The following SMYD3 variants were observed in gnomAD, a reference collection of about 807,000 sequenced individuals.
SMYD3 encodes histone-lysine N-methyltransferase SMYD3.
A neutral mutation model predicts 57.7 loss-of-function variants in SMYD3; 36 were observed. That is an observed-to-expected ratio of 0.62 (90% CI 0.48 to 0.82). SMYD3 has a LOEUF of 0.82. Ranked by LOEUF, SMYD3 falls within the 40% of genes least tolerant of loss-of-function variation. The probability of loss-of-function intolerance (pLI) is 0.00; values close to 1 mark genes in which losing one functional copy is unlikely to be tolerated. For missense variants in SMYD3, 515 were observed against 538.8 expected (o/e 0.96, Z 0.44); for synonymous variants, 211 against 195.0 (o/e 1.08, Z -0.68).
intron 5 of SMYD3, among the ~76,000 whole-genome samples, chr1:246,142,639 C>T (rs2061775936): frequency 6.6e-6 from 1 of 152,178 alleles, no homozygotes; most frequent in Non-Finnish European, 1.5e-5. Context: ...CATCATGCTT[C>T]TCAGAACAGT....
intron 5 of SMYD3, among the ~76,000 whole-genome samples, chr1:245,970,297 T>A (rs1316487597): frequency 6.6e-6 from 1 of 152,194 alleles, no homozygotes; most frequent in East Asian, 1.9e-4. Flanking sequence ...TTACACCTTA[T>A]ACAAAAATTA....
chr1:245,753,077 G>A (rs2045460655), intron 11 of SMYD3, among the ~76,000 whole-genome samples: 4 of 152,160 alleles, frequency 2.6e-5, no homozygotes, highest in African/African-American at 9.7e-5. Context: ...CATGTTCTGT[G>A]TTCTCTTACT....
intron 1 of SMYD3, among the ~76,000 whole-genome samples, chr1:246,409,186 T>C (rs1437132153): frequency 6.6e-6 from 1 of 152,242 alleles, no homozygotes; most frequent in Non-Finnish European, 1.5e-5. Context: ...TTCAATTAGA[T>C]CCCATTTGTC....
At chr1:246,275,886 A>G (rs71638321) in intron 5 of SMYD3, among the ~76,000 whole-genome samples, 1 of 149,170 alleles carries the variant, frequency 6.7e-6, no homozygotes, top group Admixed American at 6.6e-5. Context: ...AACACTGGCA[A>G]GTTATTTAAT....
intron 5 of SMYD3, among the ~76,000 whole-genome samples, chr1:245,947,697 T>C (rs1054627222): frequency 1.3e-5 from 2 of 152,156 alleles, no homozygotes; most frequent in Non-Finnish European, 2.9e-5. Flanking sequence ...TAGTAAATGG[T>C]AGCAAGATCA....
chr1:245,944,463 C>G (rs374428996), intron 5 of SMYD3, among the ~76,000 whole-genome samples: 2 of 151,974 alleles, frequency 1.3e-5, no homozygotes, highest in Admixed American at 1.3e-4. Context: ...TCAAGGAGAA[C>G]GATAAACCTC....
At chr1:246,088,417 G>A (rs1329019912) in intron 5 of SMYD3, among the ~76,000 whole-genome samples, 1 of 149,924 alleles carries the variant, frequency 6.7e-6, no homozygotes, top group Admixed American at 6.7e-5. Flanking sequence ...AGACCATCCT[G>A]GCTAACACGG....
At chr1:246,093,676 T>C (rs1311511042) in intron 5 of SMYD3, among the ~76,000 whole-genome samples, 3 of 151,520 alleles carry the variant, frequency 2.0e-5, no homozygotes, top group East Asian at 3.8e-4. Flanking sequence ...ACAATTATTA[T>C]GTATCAATAA....
rs550385456 is a variant in SMYD3, at chr1:245,858,276, C to T, written c.1076+220G>A. 3.2e-4 allele frequency among the ~76,000 whole-genome samples: 48 copies of T among 152,298 alleles called. No individual in the cohort carries two copies. The South Asian group carries it at 9.1e-3, about 29-fold the overall frequency. The stretch of plus-strand genomic sequence containing the variant: ...CATCTAATTAGTTTCTGTACACCCA[C>T]GGTGTCTGACACATGGAAGGAACTT... On this transcript the variant is annotated intron_variant, in intron 10 of 11. Transcript: ENST00000490107.
At chr1:246,285,867 G>A (rs1371860820) in intron 5 of SMYD3, among the ~76,000 whole-genome samples, 2 of 151,994 alleles carry the variant, frequency 1.3e-5, no homozygotes, top group Admixed American at 1.3e-4. Context: ...GATATAAATG[G>A]CCAGCAAACA....
chr1:245,814,532 T>G, intron 10 of SMYD3: 1 of 363,188 alleles, frequency 2.8e-6, no homozygotes, highest in Non-Finnish European at 3.8e-6. Flanking sequence ...CTTCTAGTAC[T>G]GACTACACGC....
intron 1 of SMYD3, among the ~76,000 whole-genome samples, chr1:246,393,274 T>A (rs969313858): frequency 2.6e-5 from 4 of 152,296 alleles, no homozygotes; most frequent in Admixed American, 6.5e-5. Flanking sequence ...GTTCTTTTTT[T>A]AAAAAACTAA....
chr1:245,761,127 T>C (rs1479735207), intron 11 of SMYD3, among the ~76,000 whole-genome samples: 1 of 152,134 alleles, frequency 6.6e-6, no homozygotes, highest in Non-Finnish European at 1.5e-5. Context: ...TCAATGACTT[T>C]TGTAGAGACA....
At chr1:245,770,225 G>A (rs2046281247) in intron 10 of SMYD3, among the ~76,000 whole-genome samples, 1 of 152,088 alleles carries the variant, frequency 6.6e-6, no homozygotes, top group African/African-American at 2.4e-5. Context: ...AAGAGTGGAA[G>A]GTGAACCTTG....
chr1:246,226,526 T>C (rs1201578301), intron 5 of SMYD3, among the ~76,000 whole-genome samples: 1 of 152,216 alleles, frequency 6.6e-6, no homozygotes, highest in Non-Finnish European at 1.5e-5. Context: ...TTGATGCTGA[T>C]TATATAACCC....
intron 5 of SMYD3, among the ~76,000 whole-genome samples, chr1:246,281,196 G>A (rs544947524): frequency 2.9e-4 from 44 of 152,322 alleles, no homozygotes; most frequent in African/African-American, 1.1e-3. Context: ...AGGTGAGAAG[G>A]AAGTGGGGTC....
chr1:246,214,919 CA>C (rs967246704), intron 5 of SMYD3, among the ~76,000 whole-genome samples: 2 of 152,128 alleles, frequency 1.3e-5, no homozygotes, highest in Non-Finnish European at 2.9e-5. Flanking sequence ...GCTCTATTAT[CA>C]AATACATTTT....
intron 5 of SMYD3, among the ~76,000 whole-genome samples, chr1:246,231,032 G>A (rs2063401436): frequency 6.6e-6 from 1 of 152,148 alleles, no homozygotes. Flanking sequence ...ACTTCCATAT[G>A]AGTCTCTATT....
chr1:245,946,226 A>C lies in SMYD3; in HGVS notation c.532-16289T>G, dbSNP rs544803479. 6.6e-5 allele frequency among the ~76,000 whole-genome samples: 10 copies of C among 152,302 alleles called. No homozygotes were observed. In the South Asian group the frequency reaches 2.1e-3, roughly 32 times the overall value. ...CAGAAAGGAGATACAGGAAGAGCTG[A>C]ATACAAGTGACAAAGAATCTGAACA... On this transcript the variant is annotated intron_variant, in intron 5 of 11. Coordinates refer to ENST00000490107, the MANE Select transcript of SMYD3 (RefSeq NM_001167740.2).
Sources: gnomAD v4.1 joint callset for allele counts (sites outside exome capture counted in the v4.1 genomes callset) on GRCh38, gnomAD v4.1.1 for gene constraint, MANE v1.5 for transcripts, NCBI Gene and HGNC (gene_info 2026-07-23, HGNC 2026-07-21) for gene names.